The following UBR4 variants were observed in gnomAD, a reference collection of about 807,000 sequenced individuals.
UBR4 encodes the protein E3 ubiquitin-protein ligase UBR4.
In UBR4, 124 loss-of-function variants were observed where a neutral mutation model predicts 575.6. That is an observed-to-expected ratio of 0.22 (90% CI 0.19 to 0.25). The LOEUF is 0.25. Among genes scored for constraint, UBR4 ranks in the 10% least tolerant of loss-of-function variants. The pLI is 1.00. For synonymous variants in UBR4, 2,455 were observed against 2,473.7 expected, an observed-to-expected ratio of 0.99 and a Z score of 0.22; for missense variants, 4,818 against 6,478.8, an observed-to-expected ratio of 0.74 and a Z score of 8.80.
intron 59 of UBR4, among the ~76,000 whole-genome samples, chr1:19,138,636 A>G (rs1378192031): frequency 1.3e-5 from 2 of 152,128 alleles, no homozygotes; most frequent in African/African-American, 4.8e-5. Context: ...ATGGTCTGCT[A>G]TGTTAACACA....
At chr1:19,170,919 A>T (rs76065724) in intron 25 of UBR4, 36 bp from the exon 26 acceptor site, 2 of 1,613,666 alleles carry the variant, frequency 1.2e-6, no homozygotes, top group African/African-American at 2.7e-5. Flanking sequence ...AAGCCATAAG[A>T]TTCTAATCCC....
At chr1:19,107,981 A>T (rs2079409218) in intron 81 of UBR4, among the ~76,000 whole-genome samples, 1 of 152,224 alleles carries the variant, frequency 6.6e-6, no homozygotes, top group South Asian at 2.1e-4. Context: ...CTGGATTCTC[A>T]TATCGGTTTC....
At chr1:19,102,757 G>A (rs998696085) in intron 87 of UBR4, among the ~76,000 whole-genome samples, 1 of 152,162 alleles carries the variant, frequency 6.6e-6, no homozygotes, top group African/African-American at 2.4e-5. Flanking sequence ...AAAGAGTCTA[G>A]CAGGAACCCC....
At chr1:19,167,606 T>C (rs1056015338) in intron 28 of UBR4, among the ~76,000 whole-genome samples, 2 of 152,064 alleles carry the variant, frequency 1.3e-5, no homozygotes, top group Non-Finnish European at 2.9e-5. Context: ...TTTAGGGCAA[T>C]ACAATATAAG....
rs771054783 is a variant in UBR4 at position 19,112,564 on chromosome 1, T to C, written c.11761A>G (p.Met3921Val). 2.5e-6 allele frequency: 4 copies of C among 1,613,854 alleles called. No individual in the cohort carries two copies. The highest frequency in any genetic ancestry group is 1.1e-5 in the South Asian group (1 of 91,056). The change falls in exon 78 of 106, where the codon ATG (methionine) becomes GTG (valine). Residue 3921 changes from methionine (M) to valine (V), a missense_variant. Around this residue, in one of 29 missense-constraint regions of UBR4, gnomAD observed 333 missense variants for 459.2 expected, o/e 0.73. Transcript: ENST00000375254. ...DYNLRRGAAA[M>V]REEVRQLMCL... ...ATGAGCTGGCGGACCTCCTCCCGCA[T>C]GGCCGCAGCCCCTCGGCGAAGATTA...
In UBR4 at chr1:19,161,054, G is replaced by A. The variant is rs369538801; in HGVS notation, c.5269C>T (p.Arg1757Cys). 3.7e-6 allele frequency: 6 copies of A among 1,614,098 alleles called. No homozygotes were observed. The highest frequency in any genetic ancestry group is 1.1e-5 in the South Asian group (1 of 91,082). ...SEPRISESLV[R>C]HASTSSPADK... ...GCTGGCGAGGAGGTGCTGGCATGAC[G>A]CACTAGACTCTCTGAAATCCTGGGT... Residue 1757 changes from arginine (R) to cysteine (C), a missense_variant, in exon 38 of 106, where the codon CGT becomes TGT. Transcript: ENST00000375254.
At chr1:19,142,506 T>C (rs533374632) in intron 55 of UBR4, among the ~76,000 whole-genome samples, 1 of 152,356 alleles carries the variant, frequency 6.6e-6, no homozygotes, top group Non-Finnish European at 1.5e-5. Flanking sequence ...CACAAACTGC[T>C]GCCTAACCCA....
Position 19,167,141 on chromosome 1 carries a change from A to G in UBR4, c.3990T>C (p.Ser1330=). ...ESSTESVAEI[S]SNSLERILGP... ...CCAAGATGCGTTCCAGGGAGTTGCT[A>G]CTGATCTCGGCAACACTCTCAGTGC... The change falls in exon 29 of 106, where the codon AGT becomes AGC. Residue 1330 remains serine (S), a synonymous_variant. Coordinates refer to ENST00000375254, the MANE Select transcript of UBR4 (RefSeq NM_020765.3). 1 of 1,614,214 alleles carries G rather than the reference A, an allele frequency of 6.2e-7. No homozygotes were observed. Among genetic ancestry groups the G allele is most frequent in the South Asian group, 1.1e-5 (1 of 91,086 alleles).
intron 66 of UBR4, 89 bp downstream of exon 66, chr1:19,122,744 C>A: frequency 7.1e-7 from 1 of 1,410,958 alleles, no homozygotes; most frequent in Non-Finnish European, 1.0e-6. Context: ...AGTTAAAAGT[C>A]CTGCATTATT....
intron 60 of UBR4, among the ~76,000 whole-genome samples, chr1:19,132,632 A>C (rs1570900308): frequency 7.0e-6 from 1 of 142,204 alleles, no homozygotes; most frequent in Non-Finnish European, 1.5e-5. Flanking sequence ...AAAAGTAAGT[A>C]AAAGAAAGGA....
At chr1:19,095,412 G>T in intron 93 of UBR4, 133 bp downstream of exon 93, 1 of 873,906 alleles carries the variant, frequency 1.1e-6, no homozygotes, top group Non-Finnish European at 1.8e-6. Context: ...CCAAGCCTCT[G>T]CACCAGTCAG....
At chr1:19,116,439 A>C (rs1343490565) in intron 73 of UBR4, among the ~76,000 whole-genome samples, 1 of 151,990 alleles carries the variant, frequency 6.6e-6, no homozygotes, top group Non-Finnish European at 1.5e-5. Context: ...TAGGCTTTTC[A>C]AGGCAAGAAG....
At position 19,114,874 on chromosome 1, in the gene UBR4, G is replaced by A; in HGVS notation, c.11139C>T (p.Phe3713=). ...CGFCKYARFD[F]MLYAKPCCAV... ...CACAGCAAGGCTTGGCATAGAGCATGAAGTCGAAGCGGGCATATTTACAGA... is the reference window on the plus strand; with the variant it reads ...CACAGCAAGGCTTGGCATAGAGCATAAAGTCGAAGCGGGCATATTTACAGA... The change falls in exon 75 of 106, where the codon TTC becomes TTT. Residue 3713 remains phenylalanine (F), a synonymous_variant. Transcript: ENST00000375254. 1 of 1,614,244 alleles carries A rather than the reference G, an allele frequency of 6.2e-7. No homozygotes were observed. The highest frequency in any genetic ancestry group is 8.5e-7 in the Non-Finnish European group (1 of 1,180,034).
At position 19,140,875 on chromosome 1, in the gene UBR4, G is replaced by A; in HGVS notation, c.8506C>T (p.Leu2836=). The A allele has an allele frequency of 6.2e-7, 1 of 1,610,590 alleles. No individual in the cohort carries two copies. The highest frequency in any genetic ancestry group is 8.5e-7 in the Non-Finnish European group (1 of 1,179,298). Residue 2836 remains leucine, a synonymous_variant, in exon 58 of 106, where the codon CTG becomes TTG. Coordinates refer to ENST00000375254, the MANE Select transcript of UBR4 (RefSeq NM_020765.3). ...QDQQGSSSSA[L]GLQSLGLSGQ... is the part of the protein sequence containing the mutation. ...GACAGTCCCAGGCTCTGCAGGCCCA[G>A]GGCACTGCTGCTGCTGCCTGGGAAA...
At chr1:19,085,998 C>A in intron 101 of UBR4, 147 bp downstream of exon 101, 1 of 1,284,296 alleles carries the variant, frequency 7.8e-7, no homozygotes, top group South Asian at 1.5e-5. Flanking sequence ...ATGCTCTGGA[C>A]AGCTCCCCAG....
intron 102 of UBR4, chr1:19,081,843 C>T (rs1459387079): frequency 1.5e-6 from 1 of 660,314 alleles, no homozygotes; most frequent in Middle Eastern, 2.5e-4. Context: ...CAATTCCAAG[C>T]AACTACTGGT....
Position 19,161,079 on chromosome 1 carries a change from T to C in UBR4, c.5244A>G (p.Glu1748=), listed in dbSNP as rs770864511. The change falls in exon 38 of 106, where the codon GAA becomes GAG. Residue 1748 remains glutamate, a synonymous_variant. Transcript: ENST00000375254. ...STMKESAFQS[E]PRISESLVRH... ...GCACTAGACTCTCTGAAATCCTGGG[T>C]TCACTCTGAAATGCCGACTCCTTCA... 44 of 1,614,124 alleles carry C rather than the reference T, an allele frequency of 2.7e-5. 4 individuals are homozygous for C. In the South Asian group the frequency reaches 4.8e-4, roughly 18 times the overall value.
At position 19,110,430 on chromosome 1, in the gene UBR4, G is replaced by C. The variant is rs751882889; in HGVS notation, c.11927C>G (p.Thr3976Arg). ...GCTGTCCTCCTTGGAGATAGAATCC[G>C]TCAGCAGCAGCATTTCATACTGCAG... The part of the protein sequence containing the change: ...SSLQYEMLLL[T>R]DSISKEDSCW... The change falls in exon 80 of 106, where the codon ACG (threonine) becomes AGG (arginine). Residue 3976 changes from threonine to arginine, a missense_variant. This residue lies in a region of UBR4 where 333 missense variants were observed against 459.2 expected (regional missense o/e 0.73). Coordinates refer to ENST00000375254, the MANE Select transcript of UBR4 (RefSeq NM_020765.3). The surrounding 1 kb of genome is among the most constrained non-coding windows in gnomAD (Gnocchi z 4.5). 4 of 1,614,040 alleles carry C rather than the reference G, an allele frequency of 2.5e-6. No homozygotes were observed. Among genetic ancestry groups the C allele is most frequent in the Middle Eastern group, 1.6e-4 (1 of 6,084 alleles).
At position 19,197,955 on chromosome 1, in the gene UBR4, T is replaced by G; in HGVS notation, c.743A>C (p.Gln248Pro). 6.2e-7 allele frequency: 1 copy of G among 1,614,182 alleles called. No homozygotes were observed. Among genetic ancestry groups the G allele is most frequent in the Non-Finnish European group, 8.5e-7 (1 of 1,180,024 alleles). ...VFIAQNVASL[Q>P]ELGGSEKLLR... ...ACAGTTGGGAGTCTTACCAAGCTCT[T>G]GAAGACTAGCCACGTTCTGAGCTAT... The change falls in exon 6 of 106, where the codon CAA (glutamine) becomes CCA (proline). Residue 248 changes from glutamine to proline, a missense_variant. Gln to Pro is a moderately conservative substitution (Grantham distance 76, BLOSUM62 -1). Transcript: ENST00000375254.
Sources: gnomAD v4.1 joint callset for allele counts (sites outside exome capture counted in the v4.1 genomes callset) on GRCh38, gnomAD v4.1.1 for gene constraint, gnomAD v4.1.1 regional missense constraint, Gnocchi (gnomAD v3.1) non-coding constraint, MANE v1.5 for transcripts, NCBI Gene and HGNC (gene_info 2026-07-23, HGNC 2026-07-21) for gene names.